The following DNAAF4 variants were observed in gnomAD, a reference collection of about 807,000 sequenced individuals.
DNAAF4 encodes dynein assembly factor 4, axonemal.
In DNAAF4, 43 loss-of-function variants were observed where a neutral mutation model predicts 51.8. The observed-to-expected ratio is 0.83, with a 90% CI of 0.65 to 1.07. The LOEUF (loss-of-function observed/expected upper bound fraction) is 1.07. Ranked by LOEUF, DNAAF4 falls within the 50% of genes least tolerant of loss-of-function variation. The pLI is 0.00. For missense variants in DNAAF4, 581 were observed against 493.0 expected (o/e 1.18, Z -1.69); for synonymous variants, 194 against 165.6 (o/e 1.17, Z -1.32).
intron 7 of DNAAF4, among the ~76,000 whole-genome samples, chr15:55,423,233 CCTCT>C (rs1002197813): frequency 6.6e-6 from 1 of 150,410 alleles, no homozygotes; most frequent in African/African-American, 2.4e-5. Context: ...TCAGGGTCTC[CCTCT>C]GTCACCCAGG....
chr15:55,473,251 G>GTGTA (rs1555418762), intron 4 of DNAAF4, among the ~76,000 whole-genome samples: 6 of 127,362 alleles, frequency 4.7e-5, no homozygotes, highest in East Asian at 2.5e-4. Flanking sequence ...ATATGTGTGT[G>GTGTA]TATATATATG....
chr15:55,489,121 T>G (rs1003731992), intron 4 of DNAAF4, among the ~76,000 whole-genome samples: 1 of 151,830 alleles, frequency 6.6e-6, no homozygotes, highest in African/African-American at 2.4e-5. Flanking sequence ...ACCTTCAAGG[T>G]ACAACATAGT....
At chr15:55,463,178 A>T (rs1396809055) in intron 5 of DNAAF4, among the ~76,000 whole-genome samples, 1 of 147,916 alleles carries the variant, frequency 6.8e-6, no homozygotes, top group Non-Finnish European at 1.5e-5. Context: ...TGTCTCACAC[A>T]CACACACACA....
At chr15:55,452,244 TAAAAAAAAA>T (rs57692277) in intron 5 of DNAAF4, among the ~76,000 whole-genome samples, 3 of 53,600 alleles carry the variant, frequency 5.6e-5, no homozygotes, top group Admixed American at 3.5e-4. Flanking sequence ...CATGTCTCAC[TAAAAAAAAA>T]AAAAAAAAAA....
chr15:55,497,674 G>C, intron 3 of DNAAF4, 38 bp downstream of exon 3: 4 of 1,579,332 alleles, frequency 2.5e-6, no homozygotes, highest in Non-Finnish European at 3.4e-6. Flanking sequence ...AAACCGAAAA[G>C]GTACAACCAG....
rs560122970 is a variant in DNAAF4, at chr15:55,418,766, G to T, written c.1048-633C>A. On this transcript the variant is annotated intron_variant, in intron 7 of 7. Coordinates refer to the DNAAF4 transcript ENST00000448430. Reference sequence around the variant, plus strand: ...ATATGTTCAAAATAGCAAAATAAAAGGTAGAAAGTGTTTTAGTCCATGTAA... The same window carrying T: ...ATATGTTCAAAATAGCAAAATAAAATGTAGAAAGTGTTTTAGTCCATGTAA... 7.2e-5 allele frequency: 34 copies of T among 469,322 alleles called. No homozygotes were observed. The East Asian group carries it at 1.2e-3, about 16-fold the overall frequency. The allele number at this position is 469,322 out of a possible 1,614,324, so 29.1% of individuals were successfully genotyped here. A position where few individuals can be genotyped will look rare whatever the true frequency, so the allele number is the denominator to read the frequency against.
chr15:55,479,561 A>G (rs1029751148), intron 4 of DNAAF4, among the ~76,000 whole-genome samples: 3 of 152,004 alleles, frequency 2.0e-5, no homozygotes, highest in African/African-American at 7.3e-5. Context: ...ACAAGGGAAG[A>G]CAACCATAAG....
chr15:55,482,780 C>G (rs1216229536), intron 4 of DNAAF4, among the ~76,000 whole-genome samples: 2 of 152,096 alleles, frequency 1.3e-5, no homozygotes, highest in African/African-American at 2.4e-5. Flanking sequence ...TGAAGAGAAC[C>G]TAAATTTTCA....
At chr15:55,450,419 ACAAT>A in intron 5 of DNAAF4, 52 bp from the exon 6 acceptor site, 2 of 1,567,842 alleles carry the variant, frequency 1.3e-6, no homozygotes, top group South Asian at 1.2e-5. Context: ...TTTCTAGTTA[ACAAT>A]CAACTGATAA....
chr15:55,434,501 C>G (rs1477153148), intron 8 of DNAAF4, among the ~76,000 whole-genome samples: 1 of 152,022 alleles, frequency 6.6e-6, no homozygotes, highest in Admixed American at 6.6e-5. Flanking sequence ...GTAGAATATA[C>G]TAAGTTACCC....
intron 4 of DNAAF4, among the ~76,000 whole-genome samples, chr15:55,469,480 T>TTTTC: frequency 1.1e-5 from 1 of 93,656 alleles, no homozygotes; most frequent in Non-Finnish European, 2.1e-5. Context: ...AATTCTTTTT[T>TTTTC]TTTTTTTTTT....
At chr15:55,488,815 G>A (rs1251913412) in intron 4 of DNAAF4, among the ~76,000 whole-genome samples, 1 of 152,120 alleles carries the variant, frequency 6.6e-6, no homozygotes. Context: ...TCAGCTGGGT[G>A]CGGCAGCTCA....
intron 1 of DNAAF4, among the ~76,000 whole-genome samples, chr15:55,507,012 G>A (rs2058730704): frequency 6.6e-6 from 1 of 151,950 alleles, no homozygotes. Context: ...ACCAAGCCTG[G>A]CTAATTTTTT....
intron 4 of DNAAF4, among the ~76,000 whole-genome samples, chr15:55,475,226 C>T (rs974876332): frequency 5.9e-5 from 9 of 152,174 alleles, no homozygotes; most frequent in African/African-American, 2.2e-4. Context: ...GCAAAGACAA[C>T]ATGCAGATTT....
intron 7 of DNAAF4, among the ~76,000 whole-genome samples, chr15:55,437,753 T>G (rs916208974): frequency 6.6e-6 from 1 of 152,098 alleles, no homozygotes; most frequent in Non-Finnish European, 1.5e-5. Context: ...GGAGCCACAA[T>G]TCAAGGAATG....
chr15:55,431,303 T>C (rs1006261238), intron 9 of DNAAF4, among the ~76,000 whole-genome samples: 5 of 151,772 alleles, frequency 3.3e-5, no homozygotes, highest in African/African-American at 9.7e-5. Context: ...CTAACAAATA[T>C]AAGCAATGTG....
downstream of DNAAF4, among the ~76,000 whole-genome samples, chr15:55,427,837 GTTGGT>G: frequency 1.3e-5 from 2 of 151,782 alleles, 1 homozygote; most frequent in Middle Eastern, 6.8e-3. Context: ...GTGTCTCCAT[GTTGGT>G]CAGGCTGGTC....
At chr15:55,465,588 C>CA (rs1052973756) in intron 5 of DNAAF4, among the ~76,000 whole-genome samples, 2 of 129,952 alleles carry the variant, frequency 1.5e-5, no homozygotes, top group African/African-American at 3.1e-5. Context: ...TTTTTTGAGA[C>CA]AGAGTTTTGC....
At chr15:55,433,913 A>AT (rs1243081387) in intron 8 of DNAAF4, among the ~76,000 whole-genome samples, 1 of 12,292 alleles carries the variant, frequency 8.1e-5, no homozygotes, top group East Asian at 9.6e-3. Flanking sequence ...ATTATATATA[A>AT]TTATATATAT....
Sources: gnomAD v4.1 joint callset for allele counts (sites outside exome capture counted in the v4.1 genomes callset) on GRCh38, gnomAD v4.1.1 for gene constraint, MANE v1.5 for transcripts, NCBI Gene and HGNC (gene_info 2026-07-23, HGNC 2026-07-21) for gene names.